Variants in SASH1 observed in about 807,000 individuals in gnomAD.
SASH1 encodes the protein SAM and SH3 domain-containing protein 1.
A neutral mutation model predicts 125.2 loss-of-function variants in SASH1; 44 were observed. The observed-to-expected ratio is 0.35, with a 90% CI of 0.28 to 0.45. The LOEUF (loss-of-function observed/expected upper bound fraction) is 0.45. Ranked by LOEUF, SASH1 falls within the 20% of genes least tolerant of loss-of-function variation. The pLI, the probability that SASH1 is intolerant of heterozygous loss-of-function variation, is 1.00. For missense variants in SASH1, 1,426 were observed against 1,614.5 expected (o/e 0.88, Z 2.00); for synonymous variants, 639 against 649.1 (o/e 0.98, Z 0.24).
intron 1 of SASH1, among the ~76,000 whole-genome samples, chr6:148,297,572 G>T (rs1315905994): frequency 6.6e-6 from 1 of 152,148 alleles, no homozygotes; most frequent in Non-Finnish European, 1.5e-5. Flanking sequence ...GGCGGCTTAC[G>T]CCTGTAGCAC....
chr6:148,251,173 C>T, the SASH1 span, among the ~76,000 whole-genome samples: 175 of 152,114 alleles, frequency 1.2e-3, 1 homozygote, highest in Middle Eastern at 3.4e-3. Context: ...TTATGTTCTC[C>T]GGATAGAAAA....
At chr6:148,516,753 TTG>T (rs1780467150) in intron 9 of SASH1, among the ~76,000 whole-genome samples, 1 of 151,978 alleles carries the variant, frequency 6.6e-6, no homozygotes, top group African/African-American at 2.4e-5. Context: ...CTAAAAGTAA[TTG>T]ACTCCTGGCC....
chr6:148,410,048 T>G (rs1784553067), intron 2 of SASH1, among the ~76,000 whole-genome samples: 1 of 149,412 alleles, frequency 6.7e-6, no homozygotes, highest in Admixed American at 6.7e-5. Flanking sequence ...GGTGTGAGGG[T>G]ACCTGTGCAA....
At chr6:148,244,962 G>A in the SASH1 span, among the ~76,000 whole-genome samples, 1 of 93,258 alleles carries the variant, frequency 1.1e-5, no homozygotes, top group Non-Finnish European at 2.4e-5. Context: ...GTGTGTGTGA[G>A]AGAGAGAGAG....
intron 7 of SASH1, chr6:148,480,467 C>T (rs954284243): frequency 6.6e-6 from 1 of 152,192 alleles, no homozygotes; most frequent in South Asian, 2.1e-4. Flanking sequence ...CTGCAGGCCA[C>T]CAAATGGGTT....
intron 1 of SASH1, among the ~76,000 whole-genome samples, chr6:148,315,224 T>G (rs900871334): frequency 2.6e-5 from 4 of 152,248 alleles, no homozygotes; most frequent in Admixed American, 1.3e-4. Flanking sequence ...GAGATTATAG[T>G]AAGCACTTTT....
chr6:148,363,068 C>G (rs1782302027), intron 1 of SASH1, among the ~76,000 whole-genome samples: 1 of 152,134 alleles, frequency 6.6e-6, no homozygotes, highest in Non-Finnish European at 1.5e-5. Context: ...GGCAGATATG[C>G]TGATGTGGGG....
At chr6:148,417,952 C>T (rs1219207453) in intron 2 of SASH1, among the ~76,000 whole-genome samples, 1 of 152,130 alleles carries the variant, frequency 6.6e-6, no homozygotes, top group African/African-American at 2.4e-5. Flanking sequence ...ACAGAAGCAC[C>T]TGAAGCTCCA....
chr6:148,410,183 T>C (rs71568230), intron 2 of SASH1, among the ~76,000 whole-genome samples: 7,124 of 132,898 alleles, frequency 0.054, 217 homozygotes, highest in Non-Finnish European at 0.075. Context: ...CGATCTTGGC[T>C]CACTGCAACC....
chr6:148,380,576 T>C (rs909296921), intron 1 of SASH1, among the ~76,000 whole-genome samples: 1 of 152,234 alleles, frequency 6.6e-6, no homozygotes, highest in African/African-American at 2.4e-5. Context: ...TCAGGGCAGA[T>C]TAAAAATGGA....
intron 1 of SASH1, among the ~76,000 whole-genome samples, chr6:148,289,958 C>G (rs1360865837): frequency 2.0e-5 from 3 of 149,586 alleles, no homozygotes; most frequent in Admixed American, 6.7e-5. Context: ...ACCTCTGCCT[C>G]CCAGGTTCAA....
chr6:148,305,373 C>A (rs949271393), intron 1 of SASH1, among the ~76,000 whole-genome samples: 3 of 151,262 alleles, frequency 2.0e-5, no homozygotes, highest in African/African-American at 7.2e-5. Flanking sequence ...TTCGGGAAAC[C>A]GAGGCGGGGG....
chr6:148,268,515 CTG>C (rs1778992421), upstream of SASH1, among the ~76,000 whole-genome samples: 5 of 152,348 alleles, frequency 3.3e-5, no homozygotes, highest in South Asian at 1.0e-3. Context: ...CTGCTCAACT[CTG>C]TGCAATTTCC....
At chr6:148,441,760 A>G (rs1776556849) in intron 4 of SASH1, among the ~76,000 whole-genome samples, 1 of 152,162 alleles carries the variant, frequency 6.6e-6, no homozygotes, top group Admixed American at 6.5e-5. Flanking sequence ...CCAAATTTGT[A>G]CTAACCTTAG....
chr6:148,504,220 A>G (rs1779676024), intron 8 of SASH1, among the ~76,000 whole-genome samples: 1 of 152,240 alleles, frequency 6.6e-6, no homozygotes, highest in Admixed American at 6.5e-5. Context: ...AGCTGTTTGC[A>G]GAAGATGAGC....
At chr6:148,367,646 T>C (rs1277108583) in intron 1 of SASH1, among the ~76,000 whole-genome samples, 1 of 152,242 alleles carries the variant, frequency 6.6e-6, no homozygotes, top group African/African-American at 2.4e-5. Context: ...AGCCTCTATC[T>C]GTATCTGGCC....
chr6:148,512,422 G>C (rs1462905995), intron 8 of SASH1: 1 of 969,556 alleles, frequency 1.0e-6, no homozygotes, highest in African/African-American at 1.8e-5. Flanking sequence ...CATCAAGAGA[G>C]CAGAATGTTT....
At chr6:148,245,862 G>A in the SASH1 span, among the ~76,000 whole-genome samples, 5 of 151,886 alleles carry the variant, frequency 3.3e-5, no homozygotes, top group South Asian at 4.2e-4. Context: ...GGTGGTGGGC[G>A]CCTGTAGTCC....
At chr6:148,195,389 A>T in the SASH1 span, among the ~76,000 whole-genome samples, 2 of 152,382 alleles carry the variant, frequency 1.3e-5, no homozygotes, top group Non-Finnish European at 2.9e-5. Flanking sequence ...CTCAGGAAAT[A>T]CACAAAGGAC....
Sources: gnomAD v4.1 joint callset for allele counts (sites outside exome capture counted in the v4.1 genomes callset) on GRCh38, gnomAD v4.1.1 for gene constraint, MANE v1.5 for transcripts, NCBI Gene and HGNC (gene_info 2026-07-23, HGNC 2026-07-21) for gene names.